ZGRF1: variants seen among roughly 807,000 people sequenced by gnomAD.
ZGRF1 encodes the protein zinc finger GRF-type containing 1, also known as 5'-3' DNA helicase ZGRF1.
Under a neutral mutation model 203.5 loss-of-function variants are expected in ZGRF1, and 196 were observed. The ratio of observed to expected loss-of-function variants is 0.96; its 90% confidence interval spans 0.86 to 1.08. ZGRF1 has a LOEUF of 1.08. Ranked by LOEUF, ZGRF1 falls within the 50% of genes least tolerant of loss-of-function variation. ZGRF1 has a pLI of 0.00. For missense variants in ZGRF1, 2,326 were observed against 2,416.3 expected (o/e 0.96, Z 0.78); for synonymous variants, 809 against 841.3 (o/e 0.96, Z 0.66).
chr4:112,602,902 A>C (rs1358820843), intron 10 of ZGRF1, among the ~76,000 whole-genome samples: 2 of 152,208 alleles, frequency 1.3e-5, no homozygotes, highest in Non-Finnish European at 2.9e-5. Flanking sequence ...AGTGATTGAA[A>C]AGGGGCAGAA....
chr4:112,581,670 A>T lies in ZGRF1; in HGVS notation c.4431T>A (p.Tyr1477Ter). 6.3e-7 allele frequency: 1 copy of T among 1,578,182 alleles called. No individual in the cohort carries two copies. The highest frequency in any genetic ancestry group is 2.4e-5 in the East Asian group (1 of 42,482). Residue 1477 changes from tyrosine to a stop codon, truncating the protein, a stop_gained, in exon 16 of 28, where the codon TAT becomes TAA. Transcript: ENST00000505019. LOFTEE classifies it high-confidence loss of function. ...ATGATCAGATCAACTTACTTTTGCT[A>T]TAAGCTGAAGATCTTTCCTTCCGAC... ...KLSRKERSSAYSKNDLWVVSK... is the reference protein window; with the variant it reads ...KLSRKERSSA
At chr4:112,616,010 T>C (rs1255337236) in intron 6 of ZGRF1, among the ~76,000 whole-genome samples, 1 of 152,176 alleles carries the variant, frequency 6.6e-6, no homozygotes, top group Non-Finnish European at 1.5e-5. Flanking sequence ...ATCATTTTAG[T>C]AGGTACAATA....
At chr4:112,540,637 A>G (rs1311148191) in intron 26 of ZGRF1, among the ~76,000 whole-genome samples, 184 bp downstream of exon 26, 1 of 152,220 alleles carries the variant, frequency 6.6e-6, no homozygotes, top group Non-Finnish European at 1.5e-5. Flanking sequence ...TTAGGTTTAC[A>G]TTTAATTATA....
At position 112,623,880 on chromosome 4, in the gene ZGRF1, T is replaced by C. The variant is rs1440901663; in HGVS notation, c.103-4A>G. On this transcript the variant is annotated splice_polypyrimidine_tract_variant and splice_region_variant and intron_variant, in intron 3 of 27. Transcript: ENST00000505019. ...CTTTGTCATCATATAAAATTGCCTG[T>C]ATGAAAACAAAATAAATGTTAAAAA... is the stretch of plus-strand genomic sequence containing the variant. The C allele has an allele frequency of 6.5e-7, 1 of 1,536,862 alleles. No homozygotes were observed. The highest frequency in any genetic ancestry group is 1.8e-5 in the Admixed American group (1 of 56,922).
In ZGRF1 at chr4:112,618,958, T is replaced by C; in HGVS notation, c.1084A>G (p.Asn362Asp). Reference sequence around the variant, plus strand: ...TTTTGTAATGAAAGGTCTTTCAAATTAGAATTTACATCATCTTCCTGGGCC... The same window carrying C: ...TTTTGTAATGAAAGGTCTTTCAAATCAGAATTTACATCATCTTCCTGGGCC... ...PKAQEDDVNS[N>D]LKDLSLQKII... The change falls in exon 6 of 28, where the codon AAT becomes GAT. Residue 362 changes from asparagine to aspartate, a missense_variant. Transcript: ENST00000505019. 6.2e-7 allele frequency: 1 copy of C among 1,613,802 alleles called. No homozygotes were observed. The highest frequency in any genetic ancestry group is 8.5e-7 in the Non-Finnish European group (1 of 1,179,888).
chr4:112,568,439 G>A (rs1743541796), intron 16 of ZGRF1, among the ~76,000 whole-genome samples: 1 of 152,064 alleles, frequency 6.6e-6, no homozygotes. Context: ...GGCCAGGTGT[G>A]GTGGCTCACG....
Position 112,623,824 on chromosome 4 carries a change from C to T in ZGRF1, c.155G>A (p.Cys52Tyr). 1.3e-6 allele frequency: 2 copies of T among 1,558,562 alleles called. No homozygotes were observed. The highest frequency in any genetic ancestry group is 1.8e-6 in the Non-Finnish European group (2 of 1,136,382). The change falls in exon 4 of 28, where the codon TGC (cysteine) becomes TAC (tyrosine). Residue 52 changes from cysteine to tyrosine, a missense_variant. Coordinates refer to ENST00000505019, the MANE Select transcript of ZGRF1 (RefSeq NM_018392.5). The stretch of plus-strand genomic sequence containing the variant: ...ATAAACACACTAAAATACCTCAAGG[C>T]ATTTAAGAAACAGACTCTCCAAACA... ...GACLESLFLK[C>Y]LEVKPGDDLE...
chr4:112,591,503 T>C (rs1281635106), intron 10 of ZGRF1, among the ~76,000 whole-genome samples: 2 of 152,142 alleles, frequency 1.3e-5, no homozygotes, highest in African/African-American at 4.8e-5. Context: ...CAATCTCTCT[T>C]AAAGTATGAG....
chr4:112,592,784 T>C (rs571020933), intron 10 of ZGRF1, among the ~76,000 whole-genome samples: 1 of 152,330 alleles, frequency 6.6e-6, no homozygotes, highest in South Asian at 2.1e-4. Context: ...CTCCCTGCTA[T>C]GGAGAGAATT....
At chr4:112,600,859 T>C (rs1226022108) in intron 10 of ZGRF1, among the ~76,000 whole-genome samples, 2 of 152,152 alleles carry the variant, frequency 1.3e-5, no homozygotes, top group Non-Finnish European at 2.9e-5. Context: ...TGTTTCTCTG[T>C]TGGATTACCA....
chr4:112,606,688 T>C (rs1426057366), intron 8 of ZGRF1, among the ~76,000 whole-genome samples: 2 of 149,144 alleles, frequency 1.3e-5, no homozygotes, highest in Non-Finnish European at 3.0e-5. Context: ...AAGAAAAAAA[T>C]GCCAGGTACA....
chr4:112,624,072 C>A (rs2047149451), intron 3 of ZGRF1, 196 bp from the exon 4 acceptor site: 11 of 374,832 alleles, frequency 2.9e-5, no homozygotes, highest in East Asian at 9.2e-5. Context: ...TAAAGGCATA[C>A]ATAAAAGAAA....
chr4:112,618,754 C>T lies in ZGRF1; in HGVS notation c.1288G>A (p.Glu430Lys). The change falls in exon 6 of 28, where the codon GAA (glutamate) becomes AAA (lysine). Residue 430 changes from glutamate to lysine, a missense_variant. By Grantham distance (56) the Glu-to-Lys change is moderately conservative (BLOSUM62 1). Coordinates refer to ENST00000505019, the MANE Select transcript of ZGRF1 (RefSeq NM_018392.5). ...SSAENDGILS[E>K]SDIQEDNKIP... The stretch of plus-strand genomic sequence containing the variant: ...TTATTATCTTCTTGAATGTCAGATT[C>T]TGATAATATACCATCATTTTCTGCA... The T allele has an allele frequency of 6.2e-7, 1 of 1,610,542 alleles. No individual in the cohort carries two copies. Among genetic ancestry groups the T allele is most frequent in the South Asian group, 1.1e-5 (1 of 90,976 alleles).
At chr4:112,570,882 C>G (rs1159972030) in intron 16 of ZGRF1, among the ~76,000 whole-genome samples, 2 of 152,092 alleles carry the variant, frequency 1.3e-5, no homozygotes, top group Non-Finnish European at 2.9e-5. Context: ...GCACGCAGAT[C>G]ACTTGAGGTG....
chr4:112,569,683 A>G (rs967309603), intron 16 of ZGRF1, among the ~76,000 whole-genome samples: 2 of 152,230 alleles, frequency 1.3e-5, no homozygotes, highest in Admixed American at 6.5e-5. Flanking sequence ...TAAAATTAGA[A>G]TAAACAAAAA....
At chr4:112,581,949 AAAGT>A (rs1425007461) in intron 15 of ZGRF1, 147 bp from the exon 16 acceptor site, 33 of 394,600 alleles carry the variant, frequency 8.4e-5, no homozygotes, top group African/African-American at 5.6e-4. Context: ...ATACTGTATC[AAAGT>A]AAGAAAATAA....
In ZGRF1 at chr4:112,619,658, T is replaced by C. The variant is rs1346707057; in HGVS notation, c.384A>G (p.Lys128=). The C allele has an allele frequency of 6.2e-7, 1 of 1,612,020 alleles. No homozygotes were observed. The highest frequency in any genetic ancestry group is 1.7e-5 in the Admixed American group (1 of 59,590). ...ATTCACCACTTTCCATAATAACCAT[T>C]TTCTTTGGAACCTGACGTGGTCCTT... The part of the protein sequence containing the change: ...GFQGPRQVPK[K]MVIMESGESA... Residue 128 remains lysine, a synonymous_variant, in exon 6 of 28, where the codon AAA becomes AAG. Transcript: ENST00000505019.
At chr4:112,600,171 A>G (rs1389443556) in intron 10 of ZGRF1, among the ~76,000 whole-genome samples, 1 of 152,022 alleles carries the variant, frequency 6.6e-6, no homozygotes, top group Non-Finnish European at 1.5e-5. Flanking sequence ...AGCTGGGACT[A>G]GAGGCACGCA....
intron 10 of ZGRF1, among the ~76,000 whole-genome samples, chr4:112,598,830 C>T (rs1318873242): frequency 6.6e-5 from 10 of 151,918 alleles, no homozygotes; most frequent in South Asian, 6.3e-4. Flanking sequence ...GCAGGTGTAT[C>T]GGTTGAGCCC....
Sources: gnomAD v4.1 joint callset for allele counts (sites outside exome capture counted in the v4.1 genomes callset) on GRCh38, gnomAD v4.1.1 for gene constraint, MANE v1.5 for transcripts, NCBI Gene and HGNC (gene_info 2026-07-23, HGNC 2026-07-21) for gene names.